Variants in PARM1 observed in about 807,000 individuals in gnomAD.
PARM1 encodes WSC4, cell wall integrity and stress response component 4 homolog.
In PARM1, 14 loss-of-function variants were observed where a neutral mutation model predicts 24.6. The ratio of observed to expected loss-of-function variants is 0.57; its 90% CI spans 0.38 to 0.89. The LOEUF (loss-of-function observed/expected upper bound fraction) is 0.89, where lower values mean the gene tolerates loss of function less well. Among genes scored for constraint, PARM1 ranks in the 40% least tolerant of loss-of-function variants. The probability of loss-of-function intolerance (pLI) is 0.00; values close to 1 mark genes in which losing one functional copy is unlikely to be tolerated. For missense variants in PARM1, 362 were observed against 380.4 expected (o/e 0.95, Z 0.40); for synonymous variants, 179 against 156.6 (o/e 1.14, Z -1.07).
intron 3 of PARM1, among the ~76,000 whole-genome samples, chr4:75,045,518 G>A (rs1245926916): frequency 6.6e-6 from 1 of 152,218 alleles, no homozygotes; most frequent in African/African-American, 2.4e-5. Flanking sequence ...ATGAGACTCT[G>A]AGAACTTGTG....
intron 1 of PARM1, among the ~76,000 whole-genome samples, chr4:74,948,237 T>A (rs1171781835): frequency 1.3e-5 from 2 of 152,190 alleles, no homozygotes; most frequent in Non-Finnish European, 2.9e-5. Context: ...AAGTGCTCCA[T>A]GCTTGTCAAA....
chr4:74,968,050 G>C (rs1246352755), intron 1 of PARM1, among the ~76,000 whole-genome samples: 2 of 152,054 alleles, frequency 1.3e-5, no homozygotes, highest in Non-Finnish European at 2.9e-5. Context: ...TTTAATTCTA[G>C]CACCATCTCT....
chr4:74,998,819 A>G (rs1722622329), intron 1 of PARM1, among the ~76,000 whole-genome samples: 1 of 152,174 alleles, frequency 6.6e-6, no homozygotes, highest in Non-Finnish European at 1.5e-5. Flanking sequence ...CTCCCCTCGG[A>G]TTGCCTGCCT....
chr4:74,959,572 T>C (rs1166703081), intron 1 of PARM1, among the ~76,000 whole-genome samples: 1 of 152,242 alleles, frequency 6.6e-6, no homozygotes, highest in Non-Finnish European at 1.5e-5. Flanking sequence ...CACTGATAGA[T>C]ATTTTAGTTC....
rs377726542 is a variant in PARM1 at position 74,936,620 on chromosome 4, A to AT, written c.43+3258dup. Among the ~76,000 whole-genome samples the AT allele has an allele frequency of 5.3e-3, 794 of 150,918 alleles. 9 individuals are homozygous for AT. Among genetic ancestry groups the AT allele is most frequent in the African/African-American group, 0.018 (721 of 41,160 alleles). On this transcript the variant is annotated intron_variant, in intron 1 of 3. Coordinates refer to ENST00000307428, the MANE Select transcript of PARM1 (RefSeq NM_015393.4). ...AGGCGCCCGCCACCACACCCGTCTA[A>AT]TTTTTTTTGTATTTTTAGTAGAGAC...
chr4:75,033,826 C>T, intron 2 of PARM1, 57 bp from the exon 3 acceptor site: 4 of 1,420,562 alleles, frequency 2.8e-6, no homozygotes, highest in Non-Finnish European at 3.9e-6. Flanking sequence ...ACGCCAAAGT[C>T]ACATGATGCC....
chr4:74,953,918 G>C (rs1016300655), intron 1 of PARM1, among the ~76,000 whole-genome samples: 1 of 152,124 alleles, frequency 6.6e-6, no homozygotes, highest in Non-Finnish European at 1.5e-5. Flanking sequence ...TCTCTCTCTT[G>C]GCAAGTCAAG....
At chr4:74,993,182 G>T (rs1335521323) in intron 1 of PARM1, among the ~76,000 whole-genome samples, 1 of 152,066 alleles carries the variant, frequency 6.6e-6, no homozygotes, top group Non-Finnish European at 1.5e-5. Flanking sequence ...CTGCTTGCTT[G>T]CTTGGATGAA....
chr4:75,032,489 C>T (rs1332335401), intron 2 of PARM1, among the ~76,000 whole-genome samples: 3 of 152,110 alleles, frequency 2.0e-5, no homozygotes, highest in Non-Finnish European at 4.4e-5. Flanking sequence ...AGAAGAGATA[C>T]TAAAATAATC....
chr4:75,041,755 G>A (rs1723489693), intron 3 of PARM1, among the ~76,000 whole-genome samples: 1 of 152,186 alleles, frequency 6.6e-6, no homozygotes, highest in South Asian at 2.1e-4. Context: ...TAGGGGCAGG[G>A]AGTAGGGAGT....
chr4:74,998,223 C>CA (rs1297253408), intron 1 of PARM1, among the ~76,000 whole-genome samples: 3 of 152,170 alleles, frequency 2.0e-5, no homozygotes, highest in Non-Finnish European at 1.5e-5. Context: ...GGTTGGTTAA[C>CA]AAATGAAGCA....
chr4:74,942,662 A>C (rs1174085332), intron 1 of PARM1, among the ~76,000 whole-genome samples: 1 of 152,238 alleles, frequency 6.6e-6, no homozygotes, highest in Non-Finnish European at 1.5e-5. Context: ...AAATATGTAC[A>C]GAATCCAACC....
At chr4:74,970,297 A>C (rs1722000766) in intron 1 of PARM1, 1 of 152,298 alleles carries the variant, frequency 6.6e-6, no homozygotes, top group Admixed American at 6.5e-5. Context: ...CAGTCAGGCC[A>C]GAGGAGGCAC....
At chr4:74,977,325 A>C (rs961313907) in intron 1 of PARM1, among the ~76,000 whole-genome samples, 1 of 152,256 alleles carries the variant, frequency 6.6e-6, no homozygotes, top group Non-Finnish European at 1.5e-5. Context: ...CACAAGTATC[A>C]ATAGCCAAAT....
At chr4:75,017,946 G>C (rs1723019167) in intron 2 of PARM1, among the ~76,000 whole-genome samples, 1 of 152,222 alleles carries the variant, frequency 6.6e-6, no homozygotes, top group South Asian at 2.1e-4. Flanking sequence ...TAAATTTATA[G>C]CATATGGCTG....
chr4:75,016,752 C>G (rs768354362), intron 2 of PARM1, among the ~76,000 whole-genome samples: 10 of 152,212 alleles, frequency 6.6e-5, no homozygotes, highest in East Asian at 1.9e-4. Flanking sequence ...TTATCCAGGT[C>G]GAGCACCTCA....
At position 75,046,304 on chromosome 4, in the gene PARM1, C is replaced by A; in HGVS notation, c.*57C>A. 8.8e-7 allele frequency: 1 copy of A among 1,137,122 alleles called. No individual in the cohort carries two copies. The highest frequency in any genetic ancestry group is 2.4e-5 in the East Asian group (1 of 42,162). The allele number at this position is 1,137,122 out of a possible 1,614,324, so 70.4% of individuals were successfully genotyped here. On this transcript the variant is annotated 3_prime_UTR_variant, in exon 4 of 4. Coordinates refer to ENST00000307428, the MANE Select transcript of PARM1 (RefSeq NM_015393.4). Reference sequence around the variant, plus strand: ...TGTTCTTTATTTATAAGTGCTTATCCAGTAGAATTAATAAGTACCTGATGC... The same window carrying A: ...TGTTCTTTATTTATAAGTGCTTATCAAGTAGAATTAATAAGTACCTGATGC...
chr4:74,965,704 T>G (rs556516511), intron 1 of PARM1, among the ~76,000 whole-genome samples: 1 of 152,270 alleles, frequency 6.6e-6, no homozygotes, highest in Non-Finnish European at 1.5e-5. Flanking sequence ...GGTATTCTTT[T>G]CAAAAAATCA....
chr4:74,992,167 A>C (rs893449051), intron 1 of PARM1, among the ~76,000 whole-genome samples: 2 of 152,146 alleles, frequency 1.3e-5, no homozygotes, highest in African/African-American at 4.8e-5. Context: ...GCTATCAGGA[A>C]GGTCCTCAAA....
Sources: gnomAD v4.1 joint callset for allele counts (sites outside exome capture counted in the v4.1 genomes callset) on GRCh38, gnomAD v4.1.1 for gene constraint, MANE v1.5 for transcripts, NCBI Gene and HGNC (gene_info 2026-07-23, HGNC 2026-07-21) for gene names.